The following MYO1E variants were observed in gnomAD, a reference collection of about 807,000 sequenced individuals.
MYO1E encodes unconventional myosin-Ie.
MYO1E carries 68 observed loss-of-function variants against 151.1 expected under a neutral mutation model. The observed-to-expected ratio is 0.45, with a 90% confidence interval of 0.37 to 0.55. The LOEUF (loss-of-function observed/expected upper bound fraction) is 0.55. Among genes scored for constraint, MYO1E ranks in the 20% least tolerant of loss-of-function variants. MYO1E has a pLI of 0.00. For synonymous variants in MYO1E, 601 were observed against 501.7 expected (o/e 1.20, Z -2.64); for missense variants, 1,363 against 1,389.3 (o/e 0.98, Z 0.30).
chr15:59,367,049 G>A (rs1244598636), intron 1 of MYO1E, among the ~76,000 whole-genome samples: 1 of 141,832 alleles, frequency 7.1e-6, no homozygotes, highest in Non-Finnish European at 1.5e-5. Flanking sequence ...GGAAAACCAT[G>A]ACTGTACATA....
chr15:59,326,759 T>C (rs185667535), intron 1 of MYO1E, among the ~76,000 whole-genome samples: 110 of 152,340 alleles, frequency 7.2e-4, no homozygotes, highest in African/African-American at 2.4e-3. Context: ...ATAGCTATGC[T>C]TTAATTAAAG....
intron 16 of MYO1E, among the ~76,000 whole-genome samples, chr15:59,195,783 A>G (rs2079763040): frequency 6.6e-6 from 1 of 152,226 alleles, no homozygotes; most frequent in Admixed American, 6.5e-5. Flanking sequence ...TTGAAATTCA[A>G]TCTTCAAAAG....
intron 5 of MYO1E, among the ~76,000 whole-genome samples, chr15:59,233,318 T>G (rs1287450818): frequency 6.6e-6 from 1 of 152,166 alleles, no homozygotes; most frequent in Admixed American, 6.5e-5. Flanking sequence ...AACAGAATTT[T>G]GTGGCATGTG....
At chr15:59,180,755 C>T (rs565605837) in intron 18 of MYO1E, among the ~76,000 whole-genome samples, 3 of 152,270 alleles carry the variant, frequency 2.0e-5, no homozygotes, top group South Asian at 2.1e-4. Context: ...ACCAAGTGTA[C>T]CCAGGCCACT....
intron 1 of MYO1E, chr15:59,348,549 T>TA (rs2080806767): frequency 6.6e-6 from 1 of 152,194 alleles, no homozygotes; most frequent in Non-Finnish European, 1.5e-5. Flanking sequence ...TTGTCATTTT[T>TA]AAAAAGCACT....
At chr15:59,349,772 G>A (rs766049646) in intron 1 of MYO1E, among the ~76,000 whole-genome samples, 5 of 152,140 alleles carry the variant, frequency 3.3e-5, no homozygotes, top group Non-Finnish European at 1.5e-5. Context: ...CTGTTTTCTT[G>A]AACCATTTCT....
chr15:59,255,916 T>C (rs1338094646), intron 4 of MYO1E, among the ~76,000 whole-genome samples: 3 of 152,126 alleles, frequency 2.0e-5, no homozygotes, highest in Admixed American at 6.5e-5. Flanking sequence ...CAATTACCAG[T>C]AATCTTCCCC....
chr15:59,174,250 G>A lies in MYO1E; in HGVS notation c.2050-10C>T. On this transcript the variant is annotated splice_polypyrimidine_tract_variant and intron_variant, in intron 19 of 27. Transcript: ENST00000288235. ...CTTCTAAAAGAAATAGCTGTGAATG[G>A]AGAGAAGACAAATGTGAGCCAAGCC... The A allele has an allele frequency of 1.9e-6, 3 of 1,588,876 alleles. No individual in the cohort carries two copies. The highest frequency in any genetic ancestry group is 1.7e-6 in the Non-Finnish European group (2 of 1,157,294).
intron 1 of MYO1E, among the ~76,000 whole-genome samples, chr15:59,363,870 T>C (rs2080898841): frequency 1.3e-5 from 2 of 152,090 alleles, no homozygotes; most frequent in South Asian, 4.1e-4. Context: ...CTGCCTCCCA[T>C]TTCAAGCGAT....
chr15:59,210,449 G>T, intron 13 of MYO1E, 65 bp downstream of exon 13: 1 of 1,147,632 alleles, frequency 8.7e-7, no homozygotes, highest in Non-Finnish European at 1.3e-6. Flanking sequence ...CAATGACACA[G>T]AGAATAAAAA....
chr15:59,344,879 G>C (rs1276262045), intron 1 of MYO1E, among the ~76,000 whole-genome samples: 1 of 152,170 alleles, frequency 6.6e-6, no homozygotes, highest in Non-Finnish European at 1.5e-5. Context: ...ATAGGCACTA[G>C]AATCAATAGG....
At chr15:59,194,335 C>T (rs916624659) in intron 17 of MYO1E, among the ~76,000 whole-genome samples, 9 of 152,172 alleles carry the variant, frequency 5.9e-5, no homozygotes, top group African/African-American at 9.7e-5. Flanking sequence ...TTAAATAGAA[C>T]GAACTTTCAG....
At chr15:59,234,212 TGATG>T (rs534252194) in intron 5 of MYO1E, among the ~76,000 whole-genome samples, 4 of 149,046 alleles carry the variant, frequency 2.7e-5, no homozygotes, top group Admixed American at 2.0e-4. Context: ...CACTGATCAC[TGATG>T]GATGGATGGA....
chr15:59,271,223 C>T (rs2080287210), intron 2 of MYO1E: 1 of 152,148 alleles, frequency 6.6e-6, no homozygotes, highest in Admixed American at 6.5e-5. Flanking sequence ...GCAAAGGTTC[C>T]CGTGCTTTTA....
chr15:59,324,137 G>T (rs755894353), intron 1 of MYO1E, among the ~76,000 whole-genome samples: 32 of 152,150 alleles, frequency 2.1e-4, no homozygotes, highest in Non-Finnish European at 4.4e-4. Context: ...CCGACAGAAC[G>T]TGAGACAAGT....
chr15:59,255,069 G>C (rs2080186274), intron 4 of MYO1E, among the ~76,000 whole-genome samples: 1 of 151,916 alleles, frequency 6.6e-6, no homozygotes, highest in Non-Finnish European at 1.5e-5. Flanking sequence ...CAAGTGATCT[G>C]CCTGTCTCAG....
rs574473759 is a variant in MYO1E at position 59,204,725 on chromosome 15, T to C, written c.1616+675A>G. Among the ~76,000 whole-genome samples, 55 of 152,342 alleles carry C rather than the reference T, an allele frequency of 3.6e-4. No homozygotes were observed. In the Middle Eastern group the frequency reaches 0.02, roughly 57 times the overall value. On this transcript the variant is annotated intron_variant, in intron 15 of 27. Coordinates refer to ENST00000288235, the MANE Select transcript of MYO1E (RefSeq NM_004998.4). ...GATCTCTTAGTCACTCCTTCTTTAG[T>C]TGTCCCTCCCAGAGTTCTCAAGCCA...
At chr15:59,283,512 A>G (rs1452788560) in intron 1 of MYO1E, among the ~76,000 whole-genome samples, 1 of 152,326 alleles carries the variant, frequency 6.6e-6, no homozygotes, top group Non-Finnish European at 1.5e-5. Flanking sequence ...ACCAAGTCTT[A>G]TTCACCATTC....
chr15:59,138,498 G>T (rs922584069), intron 26 of MYO1E, 131 bp from the exon 27 acceptor site: 1 of 963,602 alleles, frequency 1.0e-6, no homozygotes, highest in Admixed American at 2.4e-5. Context: ...GAAGACATGT[G>T]GCCCAGGGTG....
Sources: gnomAD v4.1 joint callset for allele counts (sites outside exome capture counted in the v4.1 genomes callset) on GRCh38, gnomAD v4.1.1 for gene constraint, MANE v1.5 for transcripts, NCBI Gene and HGNC (gene_info 2026-07-23, HGNC 2026-07-21) for gene names.